JAKMIP3: variants seen among roughly 807,000 people sequenced by gnomAD.
JAKMIP3 encodes Janus kinase and microtubule interacting protein 3.
JAKMIP3 carries 58 observed loss-of-function variants against 118.5 expected under a neutral mutation model. The ratio of observed to expected loss-of-function variants is 0.49; its 90% CI spans 0.40 to 0.61. JAKMIP3 has a LOEUF of 0.61. Ranked by LOEUF, JAKMIP3 falls within the 20% of genes least tolerant of loss-of-function variation. The pLI, the probability that JAKMIP3 is intolerant of heterozygous loss-of-function variation, is 0.00. For missense variants in JAKMIP3, 950 were observed against 1,109.0 expected, an observed-to-expected ratio of 0.86 and a Z score of 2.04; for synonymous variants, 486 against 451.2, an observed-to-expected ratio of 1.08 and a Z score of -0.98.
chr10:132,157,756 A>T, intron 19 of JAKMIP3, among the ~76,000 whole-genome samples: 1 of 152,164 alleles, frequency 6.6e-6, no homozygotes, highest in East Asian at 1.9e-4. Context: ...AAAAGAAGGC[A>T]ACCAGCCCTT....
At chr10:132,076,995 T>C (rs2040913679) in intron 1 of JAKMIP3, among the ~76,000 whole-genome samples, 1 of 150,718 alleles carries the variant, frequency 6.6e-6, no homozygotes, top group African/African-American at 2.4e-5. Flanking sequence ...GTGGTGGCCC[T>C]GGGTCTTACC....
At chr10:132,100,491 C>T (rs1367182753) in intron 1 of JAKMIP3, among the ~76,000 whole-genome samples, 1 of 152,158 alleles carries the variant, frequency 6.6e-6, no homozygotes, top group Non-Finnish European at 1.5e-5. Flanking sequence ...ACCAGAACAG[C>T]CTCACACACC....
At chr10:132,177,836 C>G (rs1315937168) in intron 23 of JAKMIP3, among the ~76,000 whole-genome samples, 1 of 146,550 alleles carries the variant, frequency 6.8e-6, no homozygotes, top group Non-Finnish European at 1.5e-5. Flanking sequence ...CGCACCTGCT[C>G]CTGTGCCCTG....
Position 132,155,951 on chromosome 10 carries a change from C to T in JAKMIP3, c.2220+1961C>T, listed in dbSNP as rs1375343638. ...TCTGTCCACCCTGCTCATGGGGCGG[C>T]TCCCAGGCACAGGCTGCTGTGCGCT... On this transcript the variant is annotated intron_variant, in intron 19 of 23. Coordinates refer to ENST00000684848, the MANE Select transcript of JAKMIP3 (RefSeq NM_001323087.2). Among the ~76,000 whole-genome samples the T allele has an allele frequency of 1.1e-4, 17 of 152,290 alleles. 1 individual carries two copies. The East Asian group carries it at 1.4e-3, about 12-fold the overall frequency.
chr10:132,171,447 C>T (rs973803364), intron 23 of JAKMIP3, among the ~76,000 whole-genome samples: 2 of 152,196 alleles, frequency 1.3e-5, no homozygotes, highest in African/African-American at 4.8e-5. Context: ...CGACAATGTC[C>T]GTCCGAGTGT....
In JAKMIP3 at chr10:132,136,038, A is replaced by G. The variant is rs1228338036; in HGVS notation, c.1078A>G (p.Asn360Asp). The change falls in exon 6 of 24, where the codon AAC becomes GAC. Residue 360 changes from asparagine (N) to aspartate (D), a missense_variant. Physicochemically the swap from Asn to Asp is conservative, Grantham distance 23. Coordinates refer to ENST00000684848, the MANE Select transcript of JAKMIP3 (RefSeq NM_001323087.2). ...DLSHALRRME[N>D]KLKFVTQENI... is the part of the protein sequence containing the mutation. ...GTCTCATGCTTTACGCCGAATGGAA[A>G]ACAAGTTAAAATTTGTCACCCAGGA... 2 of 1,613,740 alleles carry G rather than the reference A, an allele frequency of 1.2e-6. No individual in the cohort carries two copies. Among genetic ancestry groups the G allele is most frequent in the Admixed American group, 1.7e-5 (1 of 60,016 alleles).
At chr10:132,052,624 T>C (rs57259121) in intron 1 of JAKMIP3, among the ~76,000 whole-genome samples, 29,010 of 152,174 alleles carry the variant, frequency 0.19, 2,827 homozygotes, top group Middle Eastern at 0.28. Context: ...TTCTCAATTA[T>C]CTTCAGAGCA....
chr10:132,141,071 A>T (rs895875590), intron 10 of JAKMIP3, among the ~76,000 whole-genome samples: 1 of 152,310 alleles, frequency 6.6e-6, no homozygotes, highest in East Asian at 1.9e-4. Context: ...GGCTACCCTC[A>T]GGCGCAGGCA....
chr10:132,061,235 C>T (rs985706424), upstream of JAKMIP3, among the ~76,000 whole-genome samples: 2 of 32,210 alleles, frequency 6.2e-5, no homozygotes, highest in Non-Finnish European at 1.1e-4. Flanking sequence ...ATACACCTGC[C>T]GTGACGGCGC....
intron 1 of JAKMIP3, among the ~76,000 whole-genome samples, chr10:132,097,534 T>C (rs2044048425): frequency 6.6e-6 from 1 of 151,888 alleles, no homozygotes; most frequent in Admixed American, 6.6e-5. Flanking sequence ...TGGCTTCCCA[T>C]GGTTACAGAG....
At chr10:132,178,657 C>T (rs577635838) in intron 23 of JAKMIP3, among the ~76,000 whole-genome samples, 5 of 152,326 alleles carry the variant, frequency 3.3e-5, no homozygotes, top group African/African-American at 1.2e-4. Context: ...CCAAGCGGCT[C>T]ACCCTGTGTG....
intron 1 of JAKMIP3, among the ~76,000 whole-genome samples, chr10:132,058,197 C>T (rs548736991): frequency 6.6e-6 from 1 of 152,324 alleles, no homozygotes; most frequent in East Asian, 1.9e-4. Context: ...ATGGATTCGG[C>T]AGTGACTTTG....
At chr10:132,141,355 C>T (rs1164473147) in intron 10 of JAKMIP3, among the ~76,000 whole-genome samples, 2 of 152,198 alleles carry the variant, frequency 1.3e-5, no homozygotes, top group Non-Finnish European at 1.5e-5. Context: ...CCCGGGGGTC[C>T]ACCGGGACCC....
chr10:132,074,801 T>C (rs543419229), intron 1 of JAKMIP3, among the ~76,000 whole-genome samples: 1 of 152,348 alleles, frequency 6.6e-6, no homozygotes, highest in Admixed American at 6.5e-5. Context: ...AGGATTTTTA[T>C]AGTTTTCAGT....
At position 132,051,279 on chromosome 10, in the gene JAKMIP3, C is replaced by CTTG. The variant is rs57980457; in HGVS notation, c.-138+14543_-138+14544insGTT. Among the ~76,000 whole-genome samples the CTTG allele has an allele frequency of 1.7e-3, 140 of 84,442 alleles. 3 individuals carry two copies. The highest frequency in any genetic ancestry group is 2.5e-3 in the African/African-American group (51 of 20,768). 55.4% of individuals were successfully genotyped at this position (84,442 alleles called of 152,430 possible). ...GCCTGTCTTTCCTGGCACGGTTGGT[C>CTTG]TTAATTCCAGCCGTTCTGGTTGGGG... On this transcript the variant is annotated intron_variant, in intron 1 of 23. Coordinates refer to the JAKMIP3 transcript ENST00000657785.
At chr10:132,146,456 C>A (rs533121620) in intron 13 of JAKMIP3, among the ~76,000 whole-genome samples, 4 of 151,996 alleles carry the variant, frequency 2.6e-5, no homozygotes, top group Non-Finnish European at 5.9e-5. Flanking sequence ...GAGGCAGGGG[C>A]GGGGCTGGCT....
At chr10:132,079,533 A>G (rs1263223059) in intron 1 of JAKMIP3, among the ~76,000 whole-genome samples, 5 of 152,240 alleles carry the variant, frequency 3.3e-5, no homozygotes, top group Non-Finnish European at 5.9e-5. Flanking sequence ...CTATTTACAT[A>G]TAAAAGAATC....
At chr10:132,108,429 T>C (rs530281125) in intron 2 of JAKMIP3, among the ~76,000 whole-genome samples, 1 of 152,220 alleles carries the variant, frequency 6.6e-6, no homozygotes, top group South Asian at 2.1e-4. Context: ...ATAATTATTC[T>C]TCATCTCCTC....
chr10:132,046,329 A>G (rs373380353), intron 1 of JAKMIP3, among the ~76,000 whole-genome samples: 5 of 152,044 alleles, frequency 3.3e-5, no homozygotes, highest in East Asian at 1.9e-4. Context: ...GGTGGCGGGC[A>G]CCTGTAGTCC....
Sources: allele counts gnomAD v4.1 joint callset (sites outside exome capture counted in the v4.1 genomes callset), GRCh38; gene constraint gnomAD v4.1.1; transcripts MANE v1.5; gene names NCBI Gene and HGNC (gene_info 2026-07-23, HGNC 2026-07-21).